Variants in SNX13 observed in about 807,000 individuals in gnomAD.
SNX13 encodes the protein sorting nexin 13, also known as sorting nexin-13.
Under a neutral mutation model 133.6 loss-of-function variants are expected in SNX13, and 45 were observed. That is an observed-to-expected ratio of 0.34 (90% CI 0.27 to 0.43). The LOEUF is 0.43. Among genes scored for constraint, SNX13 ranks in the 20% least tolerant of loss-of-function variants. The pLI, the probability that SNX13 is intolerant of heterozygous loss-of-function variation, is 1.00. For missense variants in SNX13, 1,032 were observed against 1,145.1 expected (o/e 0.90, Z 1.43); for synonymous variants, 414 against 373.9 (o/e 1.11, Z -1.24).
At chr7:17,932,966 T>A (rs1583842569) in intron 1 of SNX13, among the ~76,000 whole-genome samples, 1 of 152,294 alleles carries the variant, frequency 6.6e-6, no homozygotes, top group Admixed American at 6.5e-5. Context: ...AGGACAGGTT[T>A]CCCAACTGAC....
intron 15 of SNX13, 22 bp downstream of exon 15, chr7:17,834,030 T>G (rs968008408): frequency 2.0e-6 from 3 of 1,478,240 alleles, no homozygotes; most frequent in Non-Finnish European, 2.7e-6. Flanking sequence ...GCATATTATG[T>G]GTAAAATGGG....
intron 1 of SNX13, among the ~76,000 whole-genome samples, chr7:17,936,830 A>AAAAAAAAAAG (rs1200377626): frequency 7.3e-6 from 1 of 137,326 alleles, no homozygotes; most frequent in Non-Finnish European, 1.5e-5. Context: ...GGGGAAAAGA[A>AAAAAAAAAAG]AAAAAAAAAG....
intron 9 of SNX13, among the ~76,000 whole-genome samples, chr7:17,865,999 T>G (rs1390858800): frequency 6.6e-6 from 1 of 152,104 alleles, no homozygotes; most frequent in African/African-American, 2.4e-5. Flanking sequence ...TTAAAATGGA[T>G]TAAAGACTTC....
In SNX13 at chr7:17,805,254, T is replaced by TGCGCGC. The variant is rs56000068; in HGVS notation, c.2065-1680_2065-1675dup. 4.2e-3 allele frequency among the ~76,000 whole-genome samples: 551 copies of TGCGCGC among 132,512 alleles called. 14 individuals are homozygous for TGCGCGC. The highest frequency in any genetic ancestry group is 9.5e-3 in the East Asian group (44 of 4,650). The allele number at this position is 132,512 out of a possible 152,430, so 86.9% of individuals were successfully genotyped here. A position where few individuals can be genotyped will look rare whatever the true frequency, so the allele number is the denominator to read the frequency against. ...GTGTGTGTGTGTGTGTGTGTGTGCG[T>TGCGCGC]GCGCGCGCGCGCATGCATGCACATG... On this transcript the variant is annotated intron_variant, in intron 20 of 25. Transcript: ENST00000428135.
At chr7:17,837,991 T>C in intron 13 of SNX13, among the ~76,000 whole-genome samples, 1 of 151,942 alleles carries the variant, frequency 6.6e-6, no homozygotes, top group Non-Finnish European at 1.5e-5. Flanking sequence ...AAAGATCACC[T>C]ACCAATTTTA....
intron 9 of SNX13, among the ~76,000 whole-genome samples, chr7:17,862,867 T>C (rs1294058140): frequency 6.6e-6 from 1 of 152,216 alleles, no homozygotes; most frequent in African/African-American, 2.4e-5. Flanking sequence ...TGCACCTTCA[T>C]AGGAACCATA....
chr7:17,855,141 T>C (rs1791727921), intron 9 of SNX13, among the ~76,000 whole-genome samples: 1 of 152,162 alleles, frequency 6.6e-6, no homozygotes, highest in East Asian at 1.9e-4. Context: ...CCAAAGCCTA[T>C]TCCAGAGCAA....
At chr7:17,808,773 A>G (rs1159418673) in intron 20 of SNX13, among the ~76,000 whole-genome samples, 2 of 152,236 alleles carry the variant, frequency 1.3e-5, no homozygotes, top group East Asian at 3.8e-4. Flanking sequence ...GAATCCCTAC[A>G]AGCCAGAAGA....
At chr7:17,887,815 C>G (rs1169407133) in intron 5 of SNX13, among the ~76,000 whole-genome samples, 19 of 151,524 alleles carry the variant, frequency 1.3e-4, no homozygotes, top group Admixed American at 1.2e-3. Context: ...GAGTTCATGA[C>G]CCTTTAAAGA....
intron 5 of SNX13, 83 bp from the exon 6 acceptor site, chr7:17,875,873 C>T: frequency 9.1e-7 from 1 of 1,103,330 alleles, no homozygotes; most frequent in East Asian, 2.6e-5. Flanking sequence ...TACTGACAAA[C>T]AACATGATTA....
At chr7:17,905,467 C>T (rs973505941) in intron 1 of SNX13, among the ~76,000 whole-genome samples, 1 of 152,120 alleles carries the variant, frequency 6.6e-6, no homozygotes, top group African/African-American at 2.4e-5. Flanking sequence ...AAAGATAATG[C>T]CTTTAGAGCT....
At chr7:17,837,764 C>A (rs1789318890) in intron 13 of SNX13, among the ~76,000 whole-genome samples, 2 of 151,516 alleles carry the variant, frequency 1.3e-5, no homozygotes, top group Admixed American at 1.3e-4. Context: ...AGTTCAATTC[C>A]AAATAAATTA....
intron 5 of SNX13, 171 bp downstream of exon 5, chr7:17,890,192 T>C: frequency 6.3e-6 from 3 of 479,922 alleles, no homozygotes; most frequent in South Asian, 7.2e-5. Flanking sequence ...TCTGGGGTAA[T>C]TTAAAGGTTT....
intron 1 of SNX13, among the ~76,000 whole-genome samples, chr7:17,929,831 C>T (rs1249835949): frequency 2.0e-5 from 3 of 152,142 alleles, no homozygotes; most frequent in South Asian, 2.1e-4. Context: ...TATTTCCTCC[C>T]GAAATTCAGT....
chr7:17,931,531 A>G (rs1020437773), intron 1 of SNX13, among the ~76,000 whole-genome samples: 3 of 152,066 alleles, frequency 2.0e-5, no homozygotes, highest in South Asian at 2.1e-4. Context: ...AAGAATCACA[A>G]CTCTTTCCTA....
chr7:17,820,553 A>G (rs1160577693), intron 18 of SNX13, among the ~76,000 whole-genome samples: 2 of 152,266 alleles, frequency 1.3e-5, no homozygotes, highest in East Asian at 3.9e-4. Flanking sequence ...TATAGGCTTC[A>G]GAAGTCAACA....
chr7:17,927,999 C>G (rs1054389434), intron 1 of SNX13, among the ~76,000 whole-genome samples: 1 of 152,172 alleles, frequency 6.6e-6, no homozygotes, highest in Non-Finnish European at 1.5e-5. Context: ...CTCATTCATA[C>G]AGGACTACAA....
chr7:17,879,409 AAAGT>A (rs2128361356), intron 5 of SNX13: 1 of 152,320 alleles, frequency 6.6e-6, no homozygotes, highest in African/African-American at 2.4e-5. Flanking sequence ...CCCCCAAGGA[AAAGT>A]AATGATTCAA....
intron 20 of SNX13, among the ~76,000 whole-genome samples, chr7:17,805,265 G>GCGCGCGCGCGCGCGCGCGCGCA (rs771908159): frequency 1.0e-4 from 15 of 146,002 alleles, no homozygotes; most frequent in Non-Finnish European, 1.4e-4. Flanking sequence ...GCGCGCGCGC[G>GCGCGCGCGCGCGCGCGCGCGCA]CATGCATGCA....
Sources: gnomAD v4.1 joint callset for allele counts (sites outside exome capture counted in the v4.1 genomes callset) on GRCh38, gnomAD v4.1.1 for gene constraint, MANE v1.5 for transcripts, NCBI Gene and HGNC (gene_info 2026-07-23, HGNC 2026-07-21) for gene names.